The following IL1RAPL2 variants were observed in gnomAD, a reference collection of about 807,000 sequenced individuals.
IL1RAPL2 encodes interleukin 1 receptor accessory protein like 2.
Under a neutral mutation model 44.1 loss-of-function variants are expected in IL1RAPL2, and 3 were observed. The ratio of observed to expected loss-of-function variants is 0.07; its 90% confidence interval spans 0.03 to 0.18. IL1RAPL2 has a LOEUF of 0.18. Among genes scored for constraint, IL1RAPL2 ranks in the 10% least tolerant of loss-of-function variants. The probability of loss-of-function intolerance (pLI) is 1.00; values close to 1 mark genes in which losing one functional copy is unlikely to be tolerated. For synonymous variants in IL1RAPL2, 181 were observed against 178.8 expected (o/e 1.01, Z -0.10); for missense variants, 391 against 496.4 (o/e 0.79, Z 2.02).
chrX:104,583,080 G>T (rs927038448), intron 1 of IL1RAPL2, among the ~76,000 whole-genome samples: 1 of 107,347 alleles, frequency 9.3e-6, no homozygotes, highest in African/African-American at 3.4e-5. Flanking sequence ...TAGAGTCGGG[G>T]TTTCACCATG....
chrX:104,790,077 T>G (rs1264217641), intron 2 of IL1RAPL2, among the ~76,000 whole-genome samples: 1 of 112,230 alleles, frequency 8.9e-6, no homozygotes, highest in African/African-American at 3.2e-5. Context: ...GCAGAATTTT[T>G]ATGGTGCTGC....
chrX:105,094,365 A>T (rs1201073734), intron 2 of IL1RAPL2, among the ~76,000 whole-genome samples: 1 of 112,117 alleles, frequency 8.9e-6, no homozygotes, highest in Non-Finnish European at 1.9e-5. Context: ...AAATATTTTC[A>T]TGTAAACTAC....
chrX:104,835,871 C>T (rs1190731490), intron 2 of IL1RAPL2, among the ~76,000 whole-genome samples: 1 of 111,878 alleles, frequency 8.9e-6, no homozygotes, highest in Non-Finnish European at 1.9e-5. Flanking sequence ...TCGTCTTCTA[C>T]AGCCAGACAT....
At chrX:104,771,196 C>G (rs1292267936) in intron 2 of IL1RAPL2, among the ~76,000 whole-genome samples, 1 of 112,014 alleles carries the variant, frequency 8.9e-6, no homozygotes, top group Non-Finnish European at 1.9e-5. Flanking sequence ...AACTTTTAAA[C>G]CTAAGTTGTA....
intron 6 of IL1RAPL2, among the ~76,000 whole-genome samples, chrX:105,661,845 C>T (rs1294009926): frequency 8.9e-6 from 1 of 112,214 alleles, no homozygotes; most frequent in Non-Finnish European, 1.9e-5. Flanking sequence ...AAAAGTATTC[C>T]ATAAAATAAA....
chrX:105,704,296 G>A (rs1177931040), intron 6 of IL1RAPL2, among the ~76,000 whole-genome samples: 1 of 111,178 alleles, frequency 9.0e-6, no homozygotes, highest in Non-Finnish European at 1.9e-5. Flanking sequence ...CTTTTTCACC[G>A]AGTTGCTAAA....
chrX:105,343,374 T>A (rs917372972), intron 5 of IL1RAPL2, among the ~76,000 whole-genome samples: 69 of 112,579 alleles, frequency 6.1e-4, no homozygotes, highest in Non-Finnish European at 1.2e-3. Context: ...AATATTTTGA[T>A]GTATTTCATT....
At chrX:105,343,393 T>C (rs950128303) in intron 5 of IL1RAPL2, among the ~76,000 whole-genome samples, 1 of 112,353 alleles carries the variant, frequency 8.9e-6, no homozygotes, top group African/African-American at 3.2e-5. Flanking sequence ...TTTCAGTCTT[T>C]TTTTCTATCC....
At chrX:105,356,538 G>A (rs144359622) in intron 5 of IL1RAPL2, among the ~76,000 whole-genome samples, 8 of 111,586 alleles carry the variant, frequency 7.2e-5, no homozygotes, top group African/African-American at 2.3e-4. Flanking sequence ...AATGGATAAT[G>A]TTCTTTGTAA....
At chrX:105,731,727 A>G (rs1200128572) in intron 7 of IL1RAPL2, among the ~76,000 whole-genome samples, 1 of 110,848 alleles carries the variant, frequency 9.0e-6, no homozygotes, top group Non-Finnish European at 1.9e-5. Flanking sequence ...TATATGTAGG[A>G]AGTAAAAAAA....
At chrX:105,092,136 C>A (rs1484130740) in intron 2 of IL1RAPL2, among the ~76,000 whole-genome samples, 5 of 110,444 alleles carry the variant, frequency 4.5e-5, no homozygotes, top group Admixed American at 9.7e-5. Flanking sequence ...TATTTTATCC[C>A]CATTTTAGAA....
intron 2 of IL1RAPL2, among the ~76,000 whole-genome samples, chrX:104,800,463 G>T (rs1302144556): frequency 1.8e-5 from 2 of 111,775 alleles, no homozygotes; most frequent in Non-Finnish European, 3.8e-5. Flanking sequence ...AGAGATCAGT[G>T]ACACTGTGTG....
chrX:105,510,560 A>G (rs190830961), intron 6 of IL1RAPL2, among the ~76,000 whole-genome samples: 307 of 112,043 alleles, frequency 2.7e-3, no homozygotes, highest in Non-Finnish European at 4.8e-3. Flanking sequence ...ACCTGTGAGT[A>G]TATCACCTTC....
intron 5 of IL1RAPL2, among the ~76,000 whole-genome samples, chrX:105,388,148 CAAAAAAAAAAAAAAAAAAAAAA>C (rs760730401): frequency 2.2e-3 from 12 of 5,386 alleles, no homozygotes; most frequent in South Asian, 0.029. Flanking sequence ...AACTCCATCT[CAAAAAAAAAAAAAAAAAAAAAA>C]AAAAAAAAAA....
At chrX:105,408,715 A>G (rs900989601) in intron 5 of IL1RAPL2, among the ~76,000 whole-genome samples, 9 of 111,785 alleles carry the variant, frequency 8.1e-5, no homozygotes, top group Admixed American at 1.9e-4. Context: ...ACTCTGTACT[A>G]TATTTTCAGG....
rs2036052916 is a variant in IL1RAPL2 at position 105,456,054 on chromosome X, T to A, written c.698-28259T>A. Among the ~76,000 whole-genome samples the A allele has an allele frequency of 2.7e-5, 3 of 112,005 alleles. No individual in the cohort carries two copies. The South Asian group carries it at 1.1e-3, about 41-fold the overall frequency. Reference sequence around the variant, plus strand: ...ATTTTACTTCTCTGGTTAGCTGTATTCCTAGGTATTGTATTCTTTTTGTGG... The same window carrying A: ...ATTTTACTTCTCTGGTTAGCTGTATACCTAGGTATTGTATTCTTTTTGTGG... On this transcript the variant is annotated intron_variant, in intron 5 of 10. Transcript: ENST00000372582.
intron 6 of IL1RAPL2, among the ~76,000 whole-genome samples, chrX:105,557,007 A>G: frequency 8.9e-6 from 1 of 112,272 alleles, no homozygotes; most frequent in Non-Finnish European, 1.9e-5. Flanking sequence ...CTATATTGCT[A>G]CAAAGCATAG....
At chrX:104,751,036 T>G (rs1332351237) in intron 2 of IL1RAPL2, among the ~76,000 whole-genome samples, 1 of 111,306 alleles carries the variant, frequency 9.0e-6, no homozygotes, top group African/African-American at 3.3e-5. Context: ...ATCAGTTAAT[T>G]TATTTGAACA....
intron 7 of IL1RAPL2, among the ~76,000 whole-genome samples, chrX:105,729,972 A>C (rs2038392319): frequency 1.8e-5 from 2 of 109,731 alleles, no homozygotes; most frequent in Non-Finnish European, 3.8e-5. Context: ...AATACAAAAC[A>C]ACCAGAAAGT....
Sources: allele counts gnomAD v4.1 joint callset (sites outside exome capture counted in the v4.1 genomes callset), GRCh38; gene constraint gnomAD v4.1.1; transcripts MANE v1.5; gene names NCBI Gene and HGNC (gene_info 2026-07-23, HGNC 2026-07-21).